SIM2: variants seen among roughly 807,000 people sequenced by gnomAD.
SIM2 encodes SIM bHLH transcription factor 2, also known as single-minded homolog 2.
SIM2 carries 28 observed loss-of-function variants against 64.8 expected under a neutral mutation model. That is an observed-to-expected ratio of 0.43 (90% CI 0.32 to 0.59). The LOEUF (loss-of-function observed/expected upper bound fraction) is 0.59, where lower values mean the gene tolerates loss of function less well. Ranked by LOEUF, SIM2 falls within the 20% of genes least tolerant of loss-of-function variation. SIM2 has a pLI of 0.07. For synonymous variants in SIM2, 408 were observed against 391.1 expected, an observed-to-expected ratio of 1.04 and a Z score of -0.51; for missense variants, 847 against 871.4, an observed-to-expected ratio of 0.97 and a Z score of 0.35.
In SIM2 at chr21:36,744,898, C is replaced by A. The variant is rs767285576; in HGVS notation, c.1338C>A (p.His446Gln). ...TGCCCTTCTCCTACCATTACGGACA[C>A]TTCCCTCTGGACTCTCACGTCTTCA... is the stretch of plus-strand genomic sequence containing the variant. ...YSLPFSYHYGHFPLDSHVFSS... is the reference protein window; with the variant it reads ...YSLPFSYHYGQFPLDSHVFSS... Residue 446 changes from histidine to glutamine, a missense_variant, in exon 10 of 11, where the codon CAC becomes CAA. By Grantham distance (24) the His-to-Gln change is conservative. This residue lies in a region of SIM2 where 447 missense variants were observed against 414.6 expected (regional missense o/e 1.08). Transcript: ENST00000290399. 8 of 1,614,134 alleles carry A rather than the reference C, an allele frequency of 5.0e-6. No individual in the cohort carries two copies. The highest frequency in any genetic ancestry group is 1.3e-5 in the African/African-American group (1 of 74,952).
intron 7 of SIM2, among the ~76,000 whole-genome samples, chr21:36,737,731 G>A (rs929613978): frequency 6.6e-6 from 1 of 151,776 alleles, no homozygotes; most frequent in Non-Finnish European, 1.5e-5. Flanking sequence ...AGGCCAAGGC[G>A]GGCGGGTCAC....
intron 2 of SIM2, 74 bp downstream of exon 2, chr21:36,709,324 G>T (rs1483011028): frequency 7.9e-7 from 1 of 1,269,744 alleles, no homozygotes; most frequent in South Asian, 1.3e-5. Flanking sequence ...CAGCCTCCAG[G>T]CGTCCCTTCC....
intron 7 of SIM2, among the ~76,000 whole-genome samples, chr21:36,739,667 A>T (rs1288745914): frequency 6.6e-6 from 1 of 152,204 alleles, no homozygotes; most frequent in Admixed American, 6.5e-5. Flanking sequence ...TCAGTGTGTC[A>T]GAGGGTGTGA....
chr21:36,747,817 G>A lies in SIM2; in HGVS notation c.1729G>A (p.Ala577Thr). ...DGARLALARA[A>T]PECCAPPTPE... ...GGCGCGGCTGGCGCTGGCCCGCGCG[G>A]CACCCGAGTGCTGCGCGCCCCCGAC... Residue 577 changes from alanine to threonine, a missense_variant, in exon 11 of 11, where the codon GCA becomes ACA. Coordinates refer to ENST00000290399, the MANE Select transcript of SIM2 (RefSeq NM_005069.6). This position sits in a 1 kb window ranked among gnomAD's most constrained non-coding sequence, Gnocchi z 4.5. 1 of 1,029,672 alleles carries A rather than the reference G, an allele frequency of 9.7e-7. No homozygotes were observed. The highest frequency in any genetic ancestry group is 1.2e-6 in the Non-Finnish European group (1 of 862,210). 63.8% of individuals were successfully genotyped at this position (1,029,672 alleles called of 1,614,324 possible).
chr21:36,741,544 T>C (rs1010871747), intron 7 of SIM2, among the ~76,000 whole-genome samples, 173 bp from the exon 8 acceptor site: 3 of 152,236 alleles, frequency 2.0e-5, no homozygotes, highest in African/African-American at 4.8e-5. Flanking sequence ...TGCACGCGTG[T>C]GTGTGTGTGC....
At chr21:36,724,248 C>T (rs941346370) in intron 5 of SIM2, among the ~76,000 whole-genome samples, 3 of 152,154 alleles carry the variant, frequency 2.0e-5, no homozygotes, top group Non-Finnish European at 2.9e-5. Flanking sequence ...CACGGTGGGG[C>T]CCCAGGAGCC....
chr21:36,743,329 G>T, intron 8 of SIM2, 58 bp from the exon 9 acceptor site: 1 of 1,513,134 alleles, frequency 6.6e-7, no homozygotes, highest in Non-Finnish European at 9.0e-7. Context: ...TGGGGCCAGG[G>T]AAGCTGCTCG....
Position 36,747,683 on chromosome 21 carries a change from G to A in SIM2, c.1595G>A (p.Arg532His). ...CCCGCAGCGCCCGCCGCCGCCGTGC[G>A]CAGGTTCGGCGAGGACACCGCGCCC... ...PSYEAPAAAVRRFGEDTAPPS... is the reference protein window; with the variant it reads ...PSYEAPAAAVHRFGEDTAPPS... The change falls in exon 11 of 11, where the codon CGC (arginine) becomes CAC (histidine). Residue 532 changes from arginine to histidine, a missense_variant. Transcript: ENST00000290399. The surrounding 1 kb of genome is among the most constrained non-coding windows in gnomAD (Gnocchi z 4.5). 1.6e-6 allele frequency: 2 copies of A among 1,270,612 alleles called. No individual in the cohort carries two copies. The highest frequency in any genetic ancestry group is 2.0e-6 in the Non-Finnish European group (2 of 1,007,574). The allele number at this position is 1,270,612 out of a possible 1,614,324, so 78.7% of individuals were successfully genotyped here. A position where few individuals can be genotyped will look rare whatever the true frequency, so the allele number is the denominator to read the frequency against.
chr21:36,712,329 A>G (rs2088688219), intron 2 of SIM2, among the ~76,000 whole-genome samples: 1 of 152,224 alleles, frequency 6.6e-6, no homozygotes, highest in Non-Finnish European at 1.5e-5. Context: ...CTTTAAAAGC[A>G]TTTCAGAGCC....
At chr21:36,711,570 C>T (rs1430350151) in intron 2 of SIM2, among the ~76,000 whole-genome samples, 1 of 152,124 alleles carries the variant, frequency 6.6e-6, no homozygotes, top group African/African-American at 2.4e-5. Context: ...GAGGGGGTGG[C>T]TTAGAAAAAC....
At chr21:36,706,057 C>G (rs1486330648) in intron 1 of SIM2, among the ~76,000 whole-genome samples, 1 of 152,190 alleles carries the variant, frequency 6.6e-6, no homozygotes, top group East Asian at 1.9e-4. Context: ...CCCGTTTGCT[C>G]CCAAATAGTC....
At position 36,699,741 on chromosome 21, in the gene SIM2, G is replaced by A; in HGVS notation, c.-6G>A. 6.2e-7 allele frequency: 1 copy of A among 1,612,224 alleles called. No individual in the cohort carries two copies. The highest frequency in any genetic ancestry group is 8.5e-7 in the Non-Finnish European group (1 of 1,179,088). The stretch of plus-strand genomic sequence containing the variant: ...CCGGGTCTAATATGCCCGGAGCCGA[G>A]GCGCGATGAAGGAGAAGTCCAAGAA... On this transcript the variant is annotated 5_prime_UTR_variant, in exon 1 of 11. Coordinates refer to ENST00000290399, the MANE Select transcript of SIM2 (RefSeq NM_005069.6). This position sits in a 1 kb window ranked among gnomAD's most constrained non-coding sequence, Gnocchi z 5.6.
rs144685565 is a variant in SIM2 at position 36,725,524 on chromosome 21, A to G, written c.544-595A>G. ...TTGTGTTACCTACTCACAGCTTGGCAGTGAGCTCATATGTATATCTCCATC... is the reference window on the plus strand; with the variant it reads ...TTGTGTTACCTACTCACAGCTTGGCGGTGAGCTCATATGTATATCTCCATC... On this transcript the variant is annotated intron_variant, in intron 5 of 10. Transcript: ENST00000290399. Among the ~76,000 whole-genome samples, 139 of 152,318 alleles carry G rather than the reference A, an allele frequency of 9.1e-4. 2 individuals carry two copies. The highest frequency in any genetic ancestry group is 3.4e-3 in the Middle Eastern group (1 of 294).
At chr21:36,741,946 T>C in intron 8 of SIM2, 82 bp downstream of exon 8, 1 of 1,274,574 alleles carries the variant, frequency 7.8e-7, no homozygotes, top group South Asian at 1.6e-5. Context: ...GCACCATCTC[T>C]CTTTCTCTCT....
In SIM2 at chr21:36,748,324, G is replaced by C; in HGVS notation, c.*232G>C. 4.8e-6 allele frequency: 1 copy of C among 207,926 alleles called. No individual in the cohort carries two copies. Among genetic ancestry groups the C allele is most frequent in the Non-Finnish European group, 9.6e-6 (1 of 103,974 alleles). The allele number at this position is 207,926 out of a possible 1,614,324, so 12.9% of individuals were successfully genotyped here. A position where few individuals can be genotyped will look rare whatever the true frequency, so the allele number is the denominator to read the frequency against. On this transcript the variant is annotated 3_prime_UTR_variant, in exon 11 of 11. Coordinates refer to ENST00000290399, the MANE Select transcript of SIM2 (RefSeq NM_005069.6). ...GCCCGCCTCTGTCCTGCGAGGGCCG[G>C]TGCGACCCAGTTGCTGGGGGCTTGG...
intron 6 of SIM2, among the ~76,000 whole-genome samples, chr21:36,729,666 T>A (rs991020738): frequency 6.8e-6 from 1 of 146,566 alleles, no homozygotes; most frequent in Admixed American, 6.7e-5. Context: ...CAGGACTGAC[T>A]GCACCATAGC....
chr21:36,702,801 G>A (rs1266520318), intron 1 of SIM2, among the ~76,000 whole-genome samples: 1 of 151,974 alleles, frequency 6.6e-6, no homozygotes, highest in South Asian at 2.1e-4. Context: ...GCTGTGGCAG[G>A]GGCTCTCAGA....
intron 4 of SIM2, among the ~76,000 whole-genome samples, chr21:36,721,069 A>AGC (rs1316728485): frequency 6.6e-6 from 1 of 152,218 alleles, no homozygotes; most frequent in Non-Finnish European, 1.5e-5. Context: ...AATACAAAAT[A>AGC]GCACACACAG....
intron 7 of SIM2, among the ~76,000 whole-genome samples, chr21:36,739,910 T>A (rs2123495347): frequency 7.7e-6 from 1 of 130,098 alleles, no homozygotes; most frequent in Non-Finnish European, 1.7e-5. Context: ...AGGAGGCAGG[T>A]TTCAGTGAGA....
Sources: allele counts gnomAD v4.1 joint callset (sites outside exome capture counted in the v4.1 genomes callset), GRCh38; gene constraint gnomAD v4.1.1; regional missense constraint gnomAD v4.1.1; non-coding constraint Gnocchi (gnomAD v3.1); transcripts MANE v1.5; gene names NCBI Gene and HGNC (gene_info 2026-07-23, HGNC 2026-07-21).